SPAG9: variants seen among roughly 807,000 people sequenced by gnomAD.
The protein encoded by SPAG9 is sperm associated antigen 9, also known as C-Jun-amino-terminal kinase-interacting protein 4.
SPAG9 carries 35 observed loss-of-function variants against 166.5 expected under a neutral mutation model. That is an observed-to-expected ratio of 0.21 (90% confidence interval 0.16 to 0.28). The LOEUF is 0.28. Among genes scored for constraint, SPAG9 ranks in the 10% least tolerant of loss-of-function variants. SPAG9 has a pLI of 1.00. For synonymous variants in SPAG9, 534 were observed against 565.5 expected (o/e 0.94, Z 0.79); for missense variants, 1,235 against 1,603.3 (o/e 0.77, Z 3.92).
At chr17:51,022,943 AAATAAT>A (rs369538903) in intron 6 of SPAG9, among the ~76,000 whole-genome samples, 16 of 143,228 alleles carry the variant, frequency 1.1e-4, no homozygotes, top group African/African-American at 2.6e-4. Flanking sequence ...CTCCATCTCA[AAATAAT>A]AATAATAATA....
intron 8 of SPAG9, among the ~76,000 whole-genome samples, chr17:51,017,578 G>C (rs1049728915): frequency 6.6e-6 from 1 of 151,866 alleles, no homozygotes; most frequent in Non-Finnish European, 1.5e-5. Flanking sequence ...TGAATCCCAA[G>C]TCCACCTCTT....
Position 51,120,263 on chromosome 17 carries a change from G to T in SPAG9, c.303+91C>A. ...CTCAGGCCCGCCCTCCAGGAGGCCC[G>T]TCGCGCCTCTAGTCCCCGACCGGGC... On this transcript the variant is annotated intron_variant, in intron 1 of 29. Transcript: ENST00000262013. This position sits in a 1 kb window ranked among gnomAD's most constrained non-coding sequence, Gnocchi z 4.7. 1 of 1,184,992 alleles carries T rather than the reference G, an allele frequency of 8.4e-7. No homozygotes were observed. The highest frequency in any genetic ancestry group is 1.1e-6 in the Non-Finnish European group (1 of 890,066). 73.4% of individuals were successfully genotyped at this position (1,184,992 alleles called of 1,614,324 possible). A position where few individuals can be genotyped will look rare whatever the true frequency, so the allele number is the denominator to read the frequency against.
Position 51,005,270 on chromosome 17 carries a change from G to C in SPAG9, c.1425-7C>G. 1 of 1,612,830 alleles carries C rather than the reference G, an allele frequency of 6.2e-7. No individual in the cohort carries two copies. The highest frequency in any genetic ancestry group is 8.5e-7 in the Non-Finnish European group (1 of 1,179,350). ...TTCAGCTTCTGCCCGAGCTCTAGTG[G>C]GGAAAAAACAAAACAAAACATGTTA... On this transcript the variant is annotated splice_polypyrimidine_tract_variant and splice_region_variant and intron_variant, in intron 11 of 29. Coordinates refer to ENST00000262013, the MANE Select transcript of SPAG9 (RefSeq NM_001130528.3).
chr17:50,967,893 A>G (rs965518786), intron 29 of SPAG9, among the ~76,000 whole-genome samples: 1 of 152,250 alleles, frequency 6.6e-6, no homozygotes, highest in Non-Finnish European at 1.5e-5. Flanking sequence ...GGCTGGAAAT[A>G]ACTAGAGATA....
At chr17:50,993,971 T>C (rs1228603795) in intron 18 of SPAG9, 36 bp from the exon 19 acceptor site, 1 of 1,565,506 alleles carries the variant, frequency 6.4e-7, no homozygotes, top group Non-Finnish European at 8.8e-7. Context: ...TTTAAAACAA[T>C]ATGTATGTAC....
At chr17:51,047,629 A>C (rs2047063632) in intron 3 of SPAG9, among the ~76,000 whole-genome samples, 160 bp from the exon 4 acceptor site, 3 of 151,958 alleles carry the variant, frequency 2.0e-5, no homozygotes, top group South Asian at 2.1e-4. Flanking sequence ...ATTTTAAGGG[A>C]AAGTAATATG....
At chr17:51,065,541 A>C (rs2144567759) in intron 2 of SPAG9, among the ~76,000 whole-genome samples, 1 of 152,336 alleles carries the variant, frequency 6.6e-6, no homozygotes. Flanking sequence ...CAGTAGAAAG[A>C]ATAGGCAGAT....
At chr17:51,087,369 G>A (rs547929205) in intron 1 of SPAG9, among the ~76,000 whole-genome samples, 1 of 152,288 alleles carries the variant, frequency 6.6e-6, no homozygotes, top group African/African-American at 2.4e-5. Flanking sequence ...AATAGAAACA[G>A]AGACGGTGTC....
At chr17:51,086,835 T>C (rs2048320450) in intron 1 of SPAG9, among the ~76,000 whole-genome samples, 3 of 151,980 alleles carry the variant, frequency 2.0e-5, no homozygotes, top group Admixed American at 1.3e-4. Context: ...GGTAGGAAAA[T>C]TGCTTGAACC....
chr17:51,046,428 A>C, intron 4 of SPAG9: 3 of 1,064,728 alleles, frequency 2.8e-6, no homozygotes, highest in Non-Finnish European at 4.0e-6. Flanking sequence ...AAATTGTTAC[A>C]AAGCAGACCC....
chr17:51,053,852 AAAGTATATAT>A lies in SPAG9; in HGVS notation c.495+2550_495+2559del, dbSNP rs1158890555. Reference sequence around the variant, plus strand: ...GACCCTAATTAAAAAAAAAAAAAAAAAAGTATATATATATATATATATATATATATATATA... The same window carrying A: ...GACCCTAATTAAAAAAAAAAAAAAAAATATATATATATATATATATATATA... On this transcript the variant is annotated intron_variant, in intron 3 of 29. Transcript: ENST00000262013. 5.9e-4 allele frequency among the ~76,000 whole-genome samples: 29 copies of A among 49,312 alleles called. 1 individual carries two copies. The highest frequency in any genetic ancestry group is 2.6e-3 in the African/African-American group (24 of 9,134). The allele number at this position is 49,312 out of a possible 152,430, so 32.4% of individuals were successfully genotyped here.
rs866679451 is a variant in SPAG9, at chr17:51,096,031, A to G, written c.304-16327T>C. On this transcript the variant is annotated intron_variant, in intron 1 of 29. Transcript: ENST00000262013. ...GATATATATATATAGTGATATATAT[A>G]TATAGTGATATATATATATAGTGAT... Among the ~76,000 whole-genome samples, 146 of 133,332 alleles carry G rather than the reference A, an allele frequency of 1.1e-3. 6 individuals are homozygous for G. Among genetic ancestry groups the G allele is most frequent in the African/African-American group, 4.0e-3 (129 of 31,896 alleles). The allele number at this position is 133,332 out of a possible 152,430, so 87.5% of individuals were successfully genotyped here.
chr17:51,014,408 G>A lies in SPAG9; in HGVS notation c.1092-55C>T, dbSNP rs74372306. 1.3e-3 allele frequency: 2,062 copies of A among 1,534,550 alleles called. 44 individuals carry two copies. In the East Asian group the frequency reaches 0.039, roughly 29 times the overall value. On this transcript the variant is annotated intron_variant, in intron 8 of 29. Coordinates refer to ENST00000262013, the MANE Select transcript of SPAG9 (RefSeq NM_001130528.3). ...AACAAATGACAAAGACTTTTTTGAC[G>A]CTGTAAAATGAATACAATAGGCTAA...
chr17:51,055,059 C>T (rs1349681265), intron 3 of SPAG9, among the ~76,000 whole-genome samples: 1 of 152,068 alleles, frequency 6.6e-6, no homozygotes, highest in Non-Finnish European at 1.5e-5. Context: ...AATAAATAAA[C>T]AGCAACGTCC....
At chr17:50,975,496 C>T (rs1490498220) in intron 27 of SPAG9, 1 of 257,104 alleles carries the variant, frequency 3.9e-6, no homozygotes, top group African/African-American at 2.2e-5. Flanking sequence ...CTGTAAAAGA[C>T]CAGACTCACA....
intron 3 of SPAG9, among the ~76,000 whole-genome samples, chr17:51,053,849 AAAAAAGTATAT>A (rs2047255311): frequency 1.0e-4 from 7 of 69,718 alleles, no homozygotes; most frequent in East Asian, 3.8e-4. Flanking sequence ...AAAAAAAAAA[AAAAAAGTATAT>A]ATATATATAT....
rs773698206 is a variant in SPAG9 at position 50,993,847 on chromosome 17, A to T, written c.2315T>A (p.Ile772Asn). The change falls in exon 19 of 30, where the codon ATT (isoleucine) becomes AAT (asparagine). Residue 772 changes from isoleucine to asparagine, a missense_variant. Ile to Asn is a moderately radical substitution (Grantham distance 149). Transcript: ENST00000262013. ...TSTHSATKVLIIDAVQPGNIL... is the reference protein window; with the variant it reads ...TSTHSATKVLNIDAVQPGNIL... ...GTTGCCAGGTTGAACAGCATCAATA[A>T]TAAGAACTTTTGTAGCCGAATGAGT... 1 of 1,614,210 alleles carries T rather than the reference A, an allele frequency of 6.2e-7. No homozygotes were observed. The highest frequency in any genetic ancestry group is 8.5e-7 in the Non-Finnish European group (1 of 1,180,026).
At chr17:51,105,151 T>C (rs1315032081) in intron 1 of SPAG9, among the ~76,000 whole-genome samples, 1 of 152,012 alleles carries the variant, frequency 6.6e-6, no homozygotes, top group Non-Finnish European at 1.5e-5. Context: ...GATGAGTAGG[T>C]TAAACATTTT....
At chr17:51,019,632 CA>C (rs1191016085) in intron 8 of SPAG9, among the ~76,000 whole-genome samples, 4 of 151,850 alleles carry the variant, frequency 2.6e-5, no homozygotes, top group Admixed American at 1.3e-4. Context: ...GCGGGTGGAT[CA>C]CCTGAGGTTG....
Sources: allele counts gnomAD v4.1 joint callset (sites outside exome capture counted in the v4.1 genomes callset), GRCh38; gene constraint gnomAD v4.1.1; non-coding constraint Gnocchi (gnomAD v3.1); transcripts MANE v1.5; gene names NCBI Gene and HGNC (gene_info 2026-07-23, HGNC 2026-07-21).